FARP1: variants seen among roughly 807,000 people sequenced by gnomAD.
The protein encoded by FARP1 is FERM, ARH/RhoGEF and pleckstrin domain protein 1.
A neutral mutation model predicts 128.8 loss-of-function variants in FARP1; 52 were observed. The ratio of observed to expected loss-of-function variants is 0.40; its 90% CI spans 0.32 to 0.51. The LOEUF is 0.51. Among genes scored for constraint, FARP1 ranks in the 20% least tolerant of loss-of-function variants. The pLI, the probability that FARP1 is intolerant of heterozygous loss-of-function variation, is 0.45. For missense variants in FARP1, 1,333 were observed against 1,367.9 expected (o/e 0.97, Z 0.40); for synonymous variants, 580 against 551.8 (o/e 1.05, Z -0.72).
In FARP1 at chr13:98,275,626, C is replaced by CTTTTT. The variant is rs1566822544; in HGVS notation, c.171+62214_171+62215insTTTTT. 4.3e-5 allele frequency among the ~76,000 whole-genome samples: 6 copies of CTTTTT among 140,518 alleles called. 1 individual carries two copies. The highest frequency in any genetic ancestry group is 7.2e-5 in the Admixed American group (1 of 13,954). 92.2% of individuals were successfully genotyped at this position (140,518 alleles called of 152,430 possible). On this transcript the variant is annotated intron_variant, in intron 2 of 26. Transcript: ENST00000319562. Reference sequence around the variant, plus strand: ...GTCCCCCCACTTCTTTTCTCTTTCTCTCTTTTTTTTTTTTTTTTTTGCATC... The same window carrying CTTTTT: ...GTCCCCCCACTTCTTTTCTCTTTCTCTTTTTTCTTTTTTTTTTTTTTTTTTGCATC...
chr13:98,441,181 T>C (rs1474524228), intron 24 of FARP1, among the ~76,000 whole-genome samples: 1 of 152,204 alleles, frequency 6.6e-6, no homozygotes, highest in Non-Finnish European at 1.5e-5. Flanking sequence ...GCACAGCTGC[T>C]GGACAGTTCC....
chr13:98,317,319 GT>G (rs1886763882), intron 2 of FARP1, among the ~76,000 whole-genome samples: 1 of 152,162 alleles, frequency 6.6e-6, no homozygotes, highest in South Asian at 2.1e-4. Context: ...GGGTGCAGTG[GT>G]ACGATCATAG....
Position 98,440,062 on chromosome 13 carries a change from C to T in FARP1, c.2516+19C>T, listed in dbSNP as rs775916182. The T allele has an allele frequency of 1.5e-5, 24 of 1,609,516 alleles. 1 individual carries two copies. The South Asian group carries it at 2.3e-4, about 15-fold the overall frequency. On this transcript the variant is annotated intron_variant, in intron 22 of 26. Transcript: ENST00000319562. ...CCGCCAGGTAACTCGGGAGCCCGCC[C>T]CTTGCCTGTTTCCCCTTTGATGTGC...
chr13:98,399,069 T>C (rs1890662541), intron 13 of FARP1: 1 of 152,180 alleles, frequency 6.6e-6, no homozygotes, highest in Non-Finnish European at 1.5e-5. Flanking sequence ...ATAGAGTTTT[T>C]CCCTCACTGG....
At chr13:98,159,878 C>T (rs1168631857) in intron 1 of FARP1, among the ~76,000 whole-genome samples, 1 of 152,192 alleles carries the variant, frequency 6.6e-6, no homozygotes. Context: ...TGGCCTCACC[C>T]TAGTGCCAAG....
At chr13:98,282,815 C>T (rs1015829978) in intron 2 of FARP1, among the ~76,000 whole-genome samples, 24 of 152,194 alleles carry the variant, frequency 1.6e-4, no homozygotes, top group South Asian at 2.1e-4. Flanking sequence ...GCAGGAGAAT[C>T]GCTTGAACCC....
chr13:98,171,842 T>C (rs1258281270), intron 1 of FARP1, among the ~76,000 whole-genome samples: 1 of 152,192 alleles, frequency 6.6e-6, no homozygotes, highest in Non-Finnish European at 1.5e-5. Flanking sequence ...AATGACATTT[T>C]TGAGTTGACC....
chr13:98,184,348 C>T (rs761897532), intron 1 of FARP1, among the ~76,000 whole-genome samples: 1 of 152,140 alleles, frequency 6.6e-6, no homozygotes, highest in African/African-American at 2.4e-5. Context: ...GAACTCGTGA[C>T]TTCAGGTGAT....
In FARP1 at chr13:98,281,667, A is replaced by T. The variant is rs1489808461; in HGVS notation, c.172-62095A>T. ...AATGAAAATGTACTAACTGCAAACA[A>T]GAAATCTGCTCCATGGTCAACATTA... On this transcript the variant is annotated intron_variant, in intron 2 of 26. Transcript: ENST00000319562. 2.0e-5 allele frequency among the ~76,000 whole-genome samples: 3 copies of T among 152,230 alleles called. No individual in the cohort carries two copies. In the East Asian group the frequency reaches 5.8e-4, roughly 29 times the overall value.
chr13:98,335,487 A>G (rs1393728024), intron 2 of FARP1, among the ~76,000 whole-genome samples: 2 of 152,146 alleles, frequency 1.3e-5, no homozygotes, highest in Non-Finnish European at 2.9e-5. Context: ...CTCACCTCCT[A>G]CAGGGTTCCT....
In FARP1 at chr13:98,368,178, C is replaced by A; in HGVS notation, c.381C>A (p.Leu127=). The A allele has an allele frequency of 6.2e-7, 1 of 1,613,480 alleles. No individual in the cohort carries two copies. Among genetic ancestry groups the A allele is most frequent in the South Asian group, 1.1e-5 (1 of 91,042 alleles). The change falls in exon 5 of 27, where the codon CTC becomes CTA. Residue 127 remains leucine, a synonymous_variant. Transcript: ENST00000319562. ...VKFFPPDHTQ[L]QEELTRYLFA... Reference sequence around the variant, plus strand: ...TCTTTCCGCCTGACCACACACAACTCCAAGAAGAACTCACAAGGTTAGTGG... The same window carrying A: ...TCTTTCCGCCTGACCACACACAACTACAAGAAGAACTCACAAGGTTAGTGG...
chr13:98,306,774 T>C (rs1193810178), intron 2 of FARP1, among the ~76,000 whole-genome samples: 2 of 152,210 alleles, frequency 1.3e-5, no homozygotes, highest in Non-Finnish European at 2.9e-5. Context: ...TCCTCCTATG[T>C]TGGCCTCCCA....
At chr13:98,304,390 G>A (rs1360259502) in intron 2 of FARP1, among the ~76,000 whole-genome samples, 4 of 152,190 alleles carry the variant, frequency 2.6e-5, no homozygotes, top group Non-Finnish European at 5.9e-5. Flanking sequence ...AGATTATCAA[G>A]GGCTTTTGAA....
intron 1 of FARP1, among the ~76,000 whole-genome samples, chr13:98,157,687 T>A (rs182405449): frequency 6.6e-6 from 1 of 152,332 alleles, no homozygotes; most frequent in East Asian, 1.9e-4. Context: ...AGGTTAAGTG[T>A]GCCTAAGGTC....
rs1481819876 is a variant in FARP1, at chr13:98,143,556, C to T, written c.-24+64C>T. 3.3e-5 allele frequency: 5 copies of T among 150,582 alleles called. No homozygotes were observed. In the South Asian group the frequency reaches 8.1e-4, roughly 25 times the overall value. The allele number at this position is 150,582 out of a possible 1,614,324, so 9.3% of individuals were successfully genotyped here. On this transcript the variant is annotated intron_variant, in intron 1 of 26. Coordinates refer to ENST00000319562, the MANE Select transcript of FARP1 (RefSeq NM_005766.4). The stretch of plus-strand genomic sequence containing the variant: ...GCGGGGGCCGGCGGGGTCCGGGCCG[C>T]GGGCGGCAACTTGTGCGAGTCCAGG...
chr13:98,152,903 C>T (rs917545890), intron 1 of FARP1, among the ~76,000 whole-genome samples: 1 of 152,018 alleles, frequency 6.6e-6, no homozygotes, highest in African/African-American at 2.4e-5. Context: ...CCTTGCAGGG[C>T]ATCTGCTTGG....
chr13:98,431,952 A>G (rs12868939), intron 18 of FARP1: 35,592 of 152,182 alleles, frequency 0.23, 4,619 homozygotes, highest in African/African-American at 0.35. Flanking sequence ...TCCCTCTACC[A>G]TGGCCACAGA....
chr13:98,202,183 G>A (rs1354813790), intron 1 of FARP1, among the ~76,000 whole-genome samples: 1 of 152,216 alleles, frequency 6.6e-6, no homozygotes, highest in Non-Finnish European at 1.5e-5. Flanking sequence ...CTCCTGGCGT[G>A]TGGCTCCCCC....
At chr13:98,391,637 CA>C (rs1451983406) in intron 11 of FARP1, among the ~76,000 whole-genome samples, 4 of 152,196 alleles carry the variant, frequency 2.6e-5, no homozygotes, top group African/African-American at 9.7e-5. Context: ...TAGTGTGTGC[CA>C]GGCTGTTCCG....
Sources: gnomAD v4.1 joint callset for allele counts (sites outside exome capture counted in the v4.1 genomes callset) on GRCh38, gnomAD v4.1.1 for gene constraint, MANE v1.5 for transcripts, NCBI Gene and HGNC (gene_info 2026-07-23, HGNC 2026-07-21) for gene names.